Variants in RREB1 observed in about 807,000 individuals in gnomAD.
RREB1 encodes ras-responsive element-binding protein 1.
In RREB1, 27 loss-of-function variants were observed where a neutral mutation model predicts 117.8. The observed-to-expected ratio is 0.23, with a 90% confidence interval of 0.17 to 0.32. RREB1 has a LOEUF of 0.32. RREB1 is among the 10% of genes least tolerant of loss of function. The pLI, the probability that RREB1 is intolerant of heterozygous loss-of-function variation, is 1.00. For missense variants in RREB1, 2,577 were observed against 2,378.2 expected (o/e 1.08, Z -1.74); for synonymous variants, 1,298 against 1,026.7 (o/e 1.26, Z -5.05).
At chr6:7,154,531 T>C (rs954445026) in intron 1 of RREB1, among the ~76,000 whole-genome samples, 12 of 152,204 alleles carry the variant, frequency 7.9e-5, no homozygotes, top group Non-Finnish European at 1.5e-4. Flanking sequence ...TGAGGGATGG[T>C]ATCATGTGTG....
At chr6:7,163,968 G>C (rs1008852809) in intron 1 of RREB1, among the ~76,000 whole-genome samples, 5 of 152,210 alleles carry the variant, frequency 3.3e-5, no homozygotes, top group African/African-American at 1.2e-4. Flanking sequence ...GGCCGGTGGG[G>C]TTGAGCCAGT....
Position 7,157,600 on chromosome 6 carries a change from G to A in RREB1, c.-284-19055G>A, listed in dbSNP as rs185560025. Among the ~76,000 whole-genome samples the A allele has an allele frequency of 7.9e-5, 12 of 151,744 alleles. No individual in the cohort carries two copies. The East Asian group carries it at 2.3e-3, about 29-fold the overall frequency. ...AGCCTGGGCAACATAGTGAGACTCC[G>A]TCTCTCCAAAAAAAAAATAAAGTTA... is the stretch of plus-strand genomic sequence containing the variant. On this transcript the variant is annotated intron_variant, in intron 1 of 12. Transcript: ENST00000379938.
intron 1 of RREB1, among the ~76,000 whole-genome samples, chr6:7,121,268 A>G (rs2113315109): frequency 6.6e-6 from 1 of 152,240 alleles, no homozygotes; most frequent in East Asian, 1.9e-4. Context: ...CCTAGACCTA[A>G]ATCTTAAAAG....
At chr6:7,183,133 C>T (rs894435114) in intron 4 of RREB1, 2 of 152,224 alleles carry the variant, frequency 1.3e-5, no homozygotes, top group Admixed American at 6.5e-5. Flanking sequence ...CATTTCTCCA[C>T]ACCTTGCTGA....
chr6:7,217,386 G>C (rs776625727), intron 8 of RREB1: 4 of 152,254 alleles, frequency 2.6e-5, no homozygotes, highest in Non-Finnish European at 4.4e-5. Context: ...CTTCTCGGCA[G>C]GTATTTCGCA....
intron 1 of RREB1, among the ~76,000 whole-genome samples, chr6:7,110,818 C>T (rs556873836): frequency 1.3e-5 from 2 of 152,288 alleles, no homozygotes; most frequent in African/African-American, 4.8e-5. Context: ...ATGTGTAATA[C>T]TCTTAAGAAA....
Position 7,238,208 on chromosome 6 carries a change from A to G in RREB1, c.3809-2230A>G, listed in dbSNP as rs182135548. On this transcript the variant is annotated intron_variant, in intron 10 of 12. Transcript: ENST00000379938. ...CTTGAAATTATTAAATACTGTGTTCAATTTTAAATGAAAAACAATAAGTAA... is the reference window on the plus strand; with the variant it reads ...CTTGAAATTATTAAATACTGTGTTCGATTTTAAATGAAAAACAATAAGTAA... 5.1e-4 allele frequency among the ~76,000 whole-genome samples: 78 copies of G among 152,316 alleles called. No individual in the cohort carries two copies. In the Middle Eastern group the frequency reaches 0.017, roughly 33 times the overall value.
intron 1 of RREB1, among the ~76,000 whole-genome samples, chr6:7,127,170 A>G (rs1761977059): frequency 6.6e-6 from 1 of 152,082 alleles, no homozygotes; most frequent in South Asian, 2.1e-4. Context: ...GGCCCTGGAA[A>G]AATGGACGGG....
chr6:7,115,100 A>G (rs1387052068), intron 1 of RREB1, among the ~76,000 whole-genome samples: 1 of 151,808 alleles, frequency 6.6e-6, no homozygotes, highest in African/African-American at 2.4e-5. Flanking sequence ...AAATTCTTAC[A>G]TAACCGTCTG....
rs1264733920 is a variant in RREB1 at position 7,249,059 on chromosome 6, G to A, written c.*91G>A. The A allele has an allele frequency of 1.4e-6, 1 of 689,996 alleles. No individual in the cohort carries two copies. Among genetic ancestry groups the A allele is most frequent in the Non-Finnish European group, 2.1e-6 (1 of 468,204 alleles). The allele number at this position is 689,996 out of a possible 1,614,324, so 42.7% of individuals were successfully genotyped here. On this transcript the variant is annotated 3_prime_UTR_variant, in exon 13 of 13. Coordinates refer to ENST00000379938, the MANE Select transcript of RREB1 (RefSeq NM_001003699.4). ...TCCTCAGTGCCCTTTGGCTGTTGAG[G>A]AGTGAGAGAGAGAGAGAGAGAGAGA...
chr6:7,110,367 A>G (rs1275818294), intron 1 of RREB1, among the ~76,000 whole-genome samples: 2 of 152,208 alleles, frequency 1.3e-5, no homozygotes, highest in Admixed American at 1.3e-4. Context: ...TCTTTGAAAA[A>G]CAAACGTTGA....
intron 7 of RREB1, 51 bp from the exon 8 acceptor site, chr6:7,211,522 C>T: frequency 6.4e-7 from 1 of 1,574,210 alleles, no homozygotes; most frequent in Non-Finnish European, 8.7e-7. Context: ...TCTTCCGAAG[C>T]CATCCCATGT....
rs757016217 is a variant in RREB1, at chr6:7,230,562, C to T, written c.2463C>T (p.Ile821=). Residue 821 remains isoleucine (I), a synonymous_variant, in exon 10 of 13, where the codon ATC becomes ATT. Coordinates refer to ENST00000379938, the MANE Select transcript of RREB1 (RefSeq NM_001003699.4). ...KQHLHVPEQD[I]ESYVLAADGL... is the part of the protein sequence containing the mutation. ...ACCTGCACGTGCCCGAGCAGGACAT[C>T]GAGAGCTACGTGCTGGCCGCCGACG... The T allele has an allele frequency of 7.5e-6, 12 of 1,601,320 alleles. No homozygotes were observed. Among genetic ancestry groups the T allele is most frequent in the South Asian group, 4.4e-5 (4 of 90,472 alleles).
At chr6:7,219,285 A>G (rs1306757189) in intron 8 of RREB1, among the ~76,000 whole-genome samples, 1 of 152,148 alleles carries the variant, frequency 6.6e-6, no homozygotes, top group Non-Finnish European at 1.5e-5. Flanking sequence ...TAATAAAAAT[A>G]AAATAAAATT....
At chr6:7,151,586 G>A (rs1443549538) in intron 1 of RREB1, among the ~76,000 whole-genome samples, 1 of 152,226 alleles carries the variant, frequency 6.6e-6, no homozygotes, top group African/African-American at 2.4e-5. Flanking sequence ...CACATTGCAG[G>A]CACATGACAC....
At chr6:7,218,297 C>G (rs1161065852) in intron 8 of RREB1, 1 of 152,216 alleles carries the variant, frequency 6.6e-6, no homozygotes, top group African/African-American at 2.4e-5. Flanking sequence ...AGTTACATGA[C>G]AGAGAAGAGA....
At chr6:7,226,427 C>T (rs1247548662) in intron 8 of RREB1, 40 bp from the exon 9 acceptor site, 1 of 1,503,038 alleles carries the variant, frequency 6.7e-7, no homozygotes, top group Non-Finnish European at 9.1e-7. Context: ...CTCATATGCT[C>T]TCCCTTTCTG....
At chr6:7,132,158 G>A (rs536287387) in intron 1 of RREB1, among the ~76,000 whole-genome samples, 2 of 152,200 alleles carry the variant, frequency 1.3e-5, no homozygotes, top group South Asian at 2.1e-4. Context: ...GGGTTCAAGC[G>A]ATTCTCCTGC....
At position 7,229,742 on chromosome 6, in the gene RREB1, A is replaced by G; in HGVS notation, c.1643A>G (p.Lys548Arg). The change falls in exon 10 of 13, where the codon AAG becomes AGG. Residue 548 changes from lysine (K) to arginine (R), a missense_variant. Coordinates refer to ENST00000379938, the MANE Select transcript of RREB1 (RefSeq NM_001003699.4). The surrounding 1 kb of genome is among the most constrained non-coding windows in gnomAD (Gnocchi z 4.5). ...CCCAGCCTGCCGCCACCGCCCCTGAAGCTCCTCAAAGGCTCAGTGGAGGCG... is the reference window on the plus strand; with the variant it reads ...CCCAGCCTGCCGCCACCGCCCCTGAGGCTCCTCAAAGGCTCAGTGGAGGCG... ...ISPSLPPPPL[K>R]LLKGSVEAAS... The G allele has an allele frequency of 6.2e-7, 1 of 1,601,460 alleles. No homozygotes were observed.
Sources: gnomAD v4.1 joint callset for allele counts (sites outside exome capture counted in the v4.1 genomes callset) on GRCh38, gnomAD v4.1.1 for gene constraint, Gnocchi (gnomAD v3.1) non-coding constraint, MANE v1.5 for transcripts, NCBI Gene and HGNC (gene_info 2026-07-23, HGNC 2026-07-21) for gene names.